DYM: variants seen among roughly 807,000 people sequenced by gnomAD.
DYM encodes dyggve-Melchior-Clausen syndrome protein.
In DYM, 78 loss-of-function variants were observed where a neutral mutation model predicts 93.1. The ratio of observed to expected loss-of-function variants is 0.84; its 90% CI spans 0.70 to 1.01. The LOEUF (loss-of-function observed/expected upper bound fraction) is 1.01. Ranked by LOEUF, DYM falls within the 50% of genes least tolerant of loss-of-function variation. The probability of loss-of-function intolerance (pLI) is 0.00; values close to 1 mark genes in which losing one functional copy is unlikely to be tolerated. For synonymous variants in DYM, 321 were observed against 319.7 expected (o/e 1.00, Z -0.04); for missense variants, 789 against 845.0 (o/e 0.93, Z 0.82).
intron 8 of DYM, among the ~76,000 whole-genome samples, chr18:49,314,800 C>T (rs747009635): frequency 2.6e-5 from 4 of 152,102 alleles, no homozygotes; most frequent in Non-Finnish European, 5.9e-5. Flanking sequence ...GTATGATTGG[C>T]TTCTGTACAT....
intron 2 of DYM, among the ~76,000 whole-genome samples, chr18:49,406,054 C>T (rs944881112): frequency 6.6e-6 from 1 of 152,114 alleles, no homozygotes; most frequent in African/African-American, 2.4e-5. Context: ...AGAAATGCTA[C>T]TGATTTTTGT....
chr18:49,058,959 T>C (rs533593832), intron 17 of DYM, among the ~76,000 whole-genome samples: 1 of 152,276 alleles, frequency 6.6e-6, no homozygotes, highest in South Asian at 2.1e-4. Context: ...GGTGACAACA[T>C]CTGAGTTTTG....
At chr18:49,362,754 G>A (rs1020643281) in intron 6 of DYM, among the ~76,000 whole-genome samples, 1 of 152,126 alleles carries the variant, frequency 6.6e-6, no homozygotes, top group Non-Finnish European at 1.5e-5. Flanking sequence ...GGCTGGAAAC[G>A]AAAACCTGGC....
intron 2 of DYM, among the ~76,000 whole-genome samples, chr18:49,407,700 A>C (rs1425802143): frequency 1.3e-5 from 2 of 152,180 alleles, no homozygotes; most frequent in Admixed American, 1.3e-4. Flanking sequence ...CCTACCTCCA[A>C]CGTTGGAGGT....
At chr18:49,444,658 G>A (rs796950817) in intron 1 of DYM, among the ~76,000 whole-genome samples, 9 of 152,146 alleles carry the variant, frequency 5.9e-5, no homozygotes, top group African/African-American at 1.9e-4. Flanking sequence ...AAGTAGAAAC[G>A]AACATTCCAC....
At chr18:49,289,404 T>TAAAAAAAAAAAAAAAAAAAAAAAAA (rs56240607) in intron 8 of DYM, among the ~76,000 whole-genome samples, 4 of 33,508 alleles carry the variant, frequency 1.2e-4, no homozygotes, top group African/African-American at 4.9e-4. Flanking sequence ...TACAAATCAG[T>TAAAAAAAAAAAAAAAAAAAAAAAAA]AAAAAAAAAA....
At chr18:49,425,615 G>A (rs1234011746) in intron 2 of DYM, among the ~76,000 whole-genome samples, 3 of 152,220 alleles carry the variant, frequency 2.0e-5, no homozygotes, top group Non-Finnish European at 2.9e-5. Flanking sequence ...GCAACCTACA[G>A]AATGGGAGAA....
chr18:49,233,356 C>CAA (rs33916448), intron 13 of DYM, among the ~76,000 whole-genome samples: 3 of 102,076 alleles, frequency 2.9e-5, no homozygotes, highest in East Asian at 2.6e-4. Context: ...AAGATTCCAT[C>CAA]AAAAAAAAAA....
chr18:49,061,066 C>G (rs1167433855), intron 17 of DYM, among the ~76,000 whole-genome samples: 2 of 152,182 alleles, frequency 1.3e-5, no homozygotes, highest in Non-Finnish European at 2.9e-5. Flanking sequence ...ACCACTGCCA[C>G]AGAAGATACC....
At chr18:49,433,458 T>G (rs2080521520) in intron 1 of DYM, among the ~76,000 whole-genome samples, 1 of 152,208 alleles carries the variant, frequency 6.6e-6, no homozygotes, top group South Asian at 2.1e-4. Flanking sequence ...ACTGAGAAGA[T>G]TCCAGAAGCA....
intron 17 of DYM, among the ~76,000 whole-genome samples, chr18:49,076,487 C>A (rs1377457177): frequency 1.3e-5 from 2 of 152,048 alleles, no homozygotes; most frequent in Non-Finnish European, 2.9e-5. Context: ...TTTTCTGGAG[C>A]CATTTTATGT....
intron 16 of DYM, among the ~76,000 whole-genome samples, chr18:49,103,504 T>C (rs1477448520): frequency 6.6e-6 from 1 of 152,160 alleles, no homozygotes; most frequent in African/African-American, 2.4e-5. Context: ...ATGTCCTGAA[T>C]GGTATTGCCT....
At chr18:49,300,376 G>A (rs1473887083) in intron 8 of DYM, among the ~76,000 whole-genome samples, 3 of 151,948 alleles carry the variant, frequency 2.0e-5, no homozygotes, top group Non-Finnish European at 4.4e-5. Context: ...GAGGTGGGCC[G>A]GTTCCCTGAG....
intron 17 of DYM, among the ~76,000 whole-genome samples, chr18:49,073,223 CTTTATG>C (rs1186358716): frequency 1.3e-5 from 2 of 152,134 alleles, no homozygotes; most frequent in African/African-American, 2.4e-5. Context: ...AAATGAGTAT[CTTTATG>C]TTTAAGTAAA....
chr18:49,385,695 CAA>C (rs201624676), intron 3 of DYM, among the ~76,000 whole-genome samples: 1 of 137,232 alleles, frequency 7.3e-6, no homozygotes, highest in African/African-American at 2.7e-5. Context: ...AACTCTGTCT[CAA>C]AAAAAAAAAG....
chr18:49,437,810 G>A (rs1038739018), intron 1 of DYM, among the ~76,000 whole-genome samples: 3 of 152,060 alleles, frequency 2.0e-5, no homozygotes, highest in Admixed American at 1.3e-4. Context: ...CTCTCTTGCC[G>A]TGAATAAGAC....
chr18:49,344,904 T>A (rs945705259), intron 6 of DYM, among the ~76,000 whole-genome samples: 1 of 152,156 alleles, frequency 6.6e-6, no homozygotes, highest in Non-Finnish European at 1.5e-5. Flanking sequence ...TAAATAAATA[T>A]GTTATACATT....
chr18:49,311,273 A>T (rs2061570268), intron 8 of DYM, among the ~76,000 whole-genome samples: 1 of 151,588 alleles, frequency 6.6e-6, no homozygotes. Flanking sequence ...TGTGCCACTG[A>T]GGGCTTTACA....
intron 13 of DYM, among the ~76,000 whole-genome samples, chr18:49,244,874 A>G (rs943641121): frequency 2.0e-5 from 3 of 152,232 alleles, no homozygotes; most frequent in Non-Finnish European, 4.4e-5. Context: ...TGGTGCTGTG[A>G]GCCCTCTAAC....
Sources: gnomAD v4.1 joint callset for allele counts (sites outside exome capture counted in the v4.1 genomes callset) on GRCh38, gnomAD v4.1.1 for gene constraint, MANE v1.5 for transcripts, NCBI Gene and HGNC (gene_info 2026-07-23, HGNC 2026-07-21) for gene names.